Variants in CDH18 observed in about 807,000 individuals in gnomAD.
CDH18 encodes the protein cadherin 18.
In CDH18, 31 loss-of-function variants were observed where a neutral mutation model predicts 67.9. The ratio of observed to expected loss-of-function variants is 0.46; its 90% CI spans 0.34 to 0.62. The LOEUF is 0.62. CDH18 is among the 20% of genes least tolerant of loss of function. The pLI is 0.01. For missense variants in CDH18, 890 were observed against 975.5 expected (o/e 0.91, Z 1.17); for synonymous variants, 362 against 347.2 (o/e 1.04, Z -0.48).
intron 5 of CDH18, among the ~76,000 whole-genome samples, chr5:19,651,165 T>G (rs1254833087): frequency 2.0e-5 from 3 of 152,058 alleles, no homozygotes; most frequent in Admixed American, 1.3e-4. Context: ...TATTATGGAC[T>G]CATAGGTTCA....
At chr5:19,916,612 TC>T (rs1791820937) in intron 2 of CDH18, among the ~76,000 whole-genome samples, 1 of 152,158 alleles carries the variant, frequency 6.6e-6, no homozygotes, top group Non-Finnish European at 1.5e-5. Context: ...AGCAATAGGG[TC>T]TCCTGTGTTA....
intron 5 of CDH18, among the ~76,000 whole-genome samples, chr5:19,691,757 C>T (rs1761917938): frequency 6.6e-6 from 1 of 151,764 alleles, no homozygotes. Flanking sequence ...ACATCCCACG[C>T]TCTTGGAAAG....
At chr5:20,240,164 A>T (rs533230972) in intron 2 of CDH18, among the ~76,000 whole-genome samples, 10 of 151,390 alleles carry the variant, frequency 6.6e-5, no homozygotes, top group East Asian at 1.9e-4. Flanking sequence ...AAGTATAATT[A>T]AAAAAAAAGA....
rs140264799 is a variant in CDH18, at chr5:19,581,752, C to G, written c.999+9305G>C. On this transcript the variant is annotated intron_variant, in intron 7 of 12. Coordinates refer to ENST00000382275, the MANE Select transcript of CDH18 (RefSeq NM_004934.5). The stretch of plus-strand genomic sequence containing the variant: ...AAATGGCCTAGACCAGGAATAGTGA[C>G]TGACATCATTATTAATTTTTTGTTT... Among the ~76,000 whole-genome samples, 1,087 of 152,106 alleles carry G rather than the reference C, an allele frequency of 7.1e-3. 14 individuals carry two copies. The highest frequency in any genetic ancestry group is 0.025 in the African/African-American group (1,029 of 41,522).
Position 20,300,606 on chromosome 5 carries a change from G to A in CDH18, c.-579-45101C>T, listed in dbSNP as rs145688937. ...TTCCCCATATCCTTAAGAATAAATCGGTCAATCATCAAGAGAATATGAAAT... is the reference window on the plus strand; with the variant it reads ...TTCCCCATATCCTTAAGAATAAATCAGTCAATCATCAAGAGAATATGAAAT... On this transcript the variant is annotated intron_variant, in intron 1 of 14. Transcript: ENST00000507958. Among the ~76,000 whole-genome samples, 241 of 152,014 alleles carry A rather than the reference G, an allele frequency of 1.6e-3. 2 individuals carry two copies. Among genetic ancestry groups the A allele is most frequent in the African/African-American group, 5.6e-3 (231 of 41,470 alleles).
At chr5:20,462,910 A>G (rs1751372030) in intron 1 of CDH18, among the ~76,000 whole-genome samples, 1 of 152,202 alleles carries the variant, frequency 6.6e-6, no homozygotes, top group African/African-American at 2.4e-5. Context: ...CTCTATTTAG[A>G]AATTAAAGAT....
chr5:20,312,251 G>A (rs1468746874), intron 1 of CDH18, among the ~76,000 whole-genome samples: 2 of 152,116 alleles, frequency 1.3e-5, no homozygotes, highest in African/African-American at 4.8e-5. Flanking sequence ...AAACTGTAAG[G>A]TTGTTTCTGC....
chr5:19,789,942 TAC>T (rs1323746858), intron 3 of CDH18, among the ~76,000 whole-genome samples: 5 of 151,990 alleles, frequency 3.3e-5, no homozygotes, highest in African/African-American at 9.7e-5. Context: ...AAATAATATA[TAC>T]AGTTTTATAT....
intron 2 of CDH18, among the ~76,000 whole-genome samples, chr5:20,148,319 G>A (rs1373413279): frequency 2.6e-5 from 4 of 151,874 alleles, no homozygotes; most frequent in East Asian, 1.9e-4. Context: ...GGATGGTCTC[G>A]ATCTCCTGAC....
At chr5:20,114,596 C>T (rs1327107749) in intron 2 of CDH18, among the ~76,000 whole-genome samples, 1 of 151,882 alleles carries the variant, frequency 6.6e-6, no homozygotes, top group African/African-American at 2.4e-5. Flanking sequence ...CATAAGTTTG[C>T]TAGGAGTGGA....
chr5:19,557,935 A>G (rs775502181), intron 8 of CDH18, among the ~76,000 whole-genome samples: 1 of 152,074 alleles, frequency 6.6e-6, no homozygotes, highest in Non-Finnish European at 1.5e-5. Context: ...TCAAAATTAT[A>G]TCAAGTACTC....
intron 1 of CDH18, among the ~76,000 whole-genome samples, chr5:20,259,632 A>G (rs1744497249): frequency 6.6e-6 from 1 of 152,154 alleles, no homozygotes; most frequent in Non-Finnish European, 1.5e-5. Context: ...AGAACATACA[A>G]AATATGTGTT....
chr5:19,879,214 A>AT (rs1320577134), intron 2 of CDH18, among the ~76,000 whole-genome samples: 1 of 151,916 alleles, frequency 6.6e-6, no homozygotes, highest in Non-Finnish European at 1.5e-5. Context: ...GCAAAGAGAG[A>AT]TTTTTATGGG....
In CDH18 at chr5:20,299,053, T is replaced by C. The variant is rs1014078997; in HGVS notation, c.-579-43548A>G. On this transcript the variant is annotated intron_variant, in intron 1 of 14. Transcript: ENST00000507958. ...ACGCAATGTAAAGAATTATGAATCATAGAACAGATTTTAAGTTTTTCTCTG... is the reference window on the plus strand; with the variant it reads ...ACGCAATGTAAAGAATTATGAATCACAGAACAGATTTTAAGTTTTTCTCTG... 1.4e-4 allele frequency among the ~76,000 whole-genome samples: 21 copies of C among 152,144 alleles called. 1 individual carries two copies. Among genetic ancestry groups the C allele is most frequent in the African/African-American group, 4.8e-4 (20 of 41,430 alleles).
intron 2 of CDH18, among the ~76,000 whole-genome samples, chr5:20,216,069 C>T (rs982154525): frequency 6.6e-6 from 1 of 151,702 alleles, no homozygotes; most frequent in East Asian, 1.9e-4. Flanking sequence ...TATAATAAAC[C>T]CCCATGACAC....
intron 2 of CDH18, among the ~76,000 whole-genome samples, chr5:20,184,749 G>A (rs1228457053): frequency 6.6e-6 from 1 of 151,986 alleles, no homozygotes; most frequent in Non-Finnish European, 1.5e-5. Context: ...ATTCTCCTTG[G>A]AAATCACAAG....
chr5:20,372,338 G>A (rs1743069908), intron 1 of CDH18, among the ~76,000 whole-genome samples: 1 of 151,430 alleles, frequency 6.6e-6, no homozygotes, highest in Admixed American at 6.6e-5. Flanking sequence ...TATCTTTTTT[G>A]TCTTAAAAAC....
chr5:20,183,679 C>A (rs191539279), intron 2 of CDH18, among the ~76,000 whole-genome samples: 1 of 152,064 alleles, frequency 6.6e-6, no homozygotes. Context: ...GCACATTTCA[C>A]ATGGATTCAC....
At chr5:20,347,546 G>A (rs1051649228) in intron 1 of CDH18, among the ~76,000 whole-genome samples, 13 of 152,242 alleles carry the variant, frequency 8.5e-5, no homozygotes, top group African/African-American at 3.1e-4. Flanking sequence ...AACTGCCTAT[G>A]CAGCTAAAGG....
Sources: allele counts gnomAD v4.1 joint callset (sites outside exome capture counted in the v4.1 genomes callset), GRCh38; gene constraint gnomAD v4.1.1; transcripts MANE v1.5; gene names NCBI Gene and HGNC (gene_info 2026-07-23, HGNC 2026-07-21).